SLC26A4: variants seen among roughly 807,000 people sequenced by gnomAD.
The protein encoded by SLC26A4 is pendrin.
Under a neutral mutation model 90.4 loss-of-function variants are expected in SLC26A4, and 93 were observed. The ratio of observed to expected loss-of-function variants is 1.03; its 90% CI spans 0.87 to 1.22. SLC26A4 has a LOEUF of 1.22. Among genes scored for constraint, SLC26A4 ranks in the 50% most tolerant of loss-of-function variants. The pLI is 0.00. For missense variants in SLC26A4, 1,127 were observed against 946.2 expected (o/e 1.19, Z -2.51); for synonymous variants, 393 against 354.6 (o/e 1.11, Z -1.22).
rs755414925 is a variant in SLC26A4, at chr7:107,700,220, G to A, written c.1707+45G>A. ...AAATTTGTTTTCTAACCTCTTTTGAGACTTCATTCATTCTACAAGTATTTA... is the reference window on the plus strand; with the variant it reads ...AAATTTGTTTTCTAACCTCTTTTGAAACTTCATTCATTCTACAAGTATTTA... On this transcript the variant is annotated intron_variant, in intron 15 of 20. Coordinates refer to ENST00000644269, the MANE Select transcript of SLC26A4 (RefSeq NM_000441.2). The A allele has an allele frequency of 3.2e-6, 3 of 946,760 alleles. No individual in the cohort carries two copies. In the South Asian group the frequency reaches 3.9e-5, roughly 12 times the overall value. The allele number at this position is 946,760 out of a possible 1,614,324, so 58.6% of individuals were successfully genotyped here.
intron 18 of SLC26A4, among the ~76,000 whole-genome samples, chr7:107,704,686 G>C (rs1313087611): frequency 6.6e-6 from 1 of 152,196 alleles, no homozygotes; most frequent in East Asian, 1.9e-4. Context: ...GAGACAGTGA[G>C]ACAGAACAAT....
chr7:107,703,119 C>T (rs902289609), intron 17 of SLC26A4, among the ~76,000 whole-genome samples: 3 of 152,176 alleles, frequency 2.0e-5, no homozygotes, highest in East Asian at 1.9e-4. Flanking sequence ...TTTCTACCTA[C>T]GTGGGACTTA....
intron 14 of SLC26A4, among the ~76,000 whole-genome samples, chr7:107,698,757 A>T (rs893562845): frequency 6.6e-6 from 1 of 152,222 alleles, no homozygotes. Context: ...AGTTCTAACA[A>T]GAGATTATCA....
At chr7:107,712,454 C>T (rs1036554035) in intron 19 of SLC26A4, 85 bp from the exon 20 acceptor site, 3 of 777,008 alleles carry the variant, frequency 3.9e-6, no homozygotes, top group African/African-American at 1.7e-5. Flanking sequence ...AGATGAGAAG[C>T]ACCAGGAAAG....
chr7:107,684,177 G>T (rs1397240457), intron 8 of SLC26A4, among the ~76,000 whole-genome samples: 1 of 152,160 alleles, frequency 6.6e-6, no homozygotes, highest in Non-Finnish European at 1.5e-5. Context: ...GATCTCTCAT[G>T]AAATGAAGAG....
At chr7:107,692,073 T>G in intron 10 of SLC26A4, 1 of 1,289,208 alleles carries the variant, frequency 7.8e-7, no homozygotes, top group Non-Finnish European at 1.0e-6. Context: ...GGGCTGGCTG[T>G]CCCAGTAAGT....
At chr7:107,696,580 C>A (rs771787097) in intron 13 of SLC26A4, among the ~76,000 whole-genome samples, 1 of 152,178 alleles carries the variant, frequency 6.6e-6, no homozygotes, top group African/African-American at 2.4e-5. Context: ...TAGCTGATGA[C>A]AGCCAAAATT....
intron 13 of SLC26A4, among the ~76,000 whole-genome samples, chr7:107,697,548 T>C (rs917787997): frequency 1.1e-4 from 17 of 152,130 alleles, no homozygotes; most frequent in Non-Finnish European, 2.9e-5. Context: ...TTATTTCTGG[T>C]CCTCCAGTCT....
chr7:107,714,599 T>A (rs976689252), intron 20 of SLC26A4, among the ~76,000 whole-genome samples: 1 of 152,122 alleles, frequency 6.6e-6, no homozygotes, highest in African/African-American at 2.4e-5. Context: ...AAGACTGCTA[T>A]ATTATAGGAT....
chr7:107,689,829 G>C (rs1356952468), intron 9 of SLC26A4, among the ~76,000 whole-genome samples: 1 of 152,180 alleles, frequency 6.6e-6, no homozygotes, highest in Non-Finnish European at 1.5e-5. Flanking sequence ...CTTTATGTGA[G>C]AGCTGCAGAC....
Position 107,715,537 on chromosome 7 carries a change from C to T in SLC26A4, c.*91C>T. 1.0e-6 allele frequency: 1 copy of T among 965,616 alleles called. No homozygotes were observed. The highest frequency in any genetic ancestry group is 1.7e-6 in the Non-Finnish European group (1 of 587,256). 59.8% of individuals were successfully genotyped at this position (965,616 alleles called of 1,614,324 possible). ...TTTCTTCAGACTCAAAACACTCATT[C>T]TTTTTTCTATTAAGCCATTGAAAGA... On this transcript the variant is annotated 3_prime_UTR_variant, in exon 21 of 21. Transcript: ENST00000644269.
chr7:107,686,607 C>T (rs1384779061), intron 8 of SLC26A4, among the ~76,000 whole-genome samples: 1 of 152,022 alleles, frequency 6.6e-6, no homozygotes, highest in African/African-American at 2.4e-5. Flanking sequence ...CCTGCCTCAG[C>T]CTCCTGAGTA....
rs955395092 is a variant in SLC26A4 at position 107,713,317 on chromosome 7, G to C, written c.2319+695G>C. Among the ~76,000 whole-genome samples the C allele has an allele frequency of 3.9e-5, 6 of 152,326 alleles. No individual in the cohort carries two copies. In the East Asian group the frequency reaches 1.2e-3, roughly 29 times the overall value. On this transcript the variant is annotated intron_variant, in intron 20 of 20. Transcript: ENST00000644269. The stretch of plus-strand genomic sequence containing the variant: ...TTCAGCTTTTATGTGAACATTTCCA[G>C]ACATTGGCCACTAGCGGCTTCTCAA...
chr7:107,674,019 C>T lies in SLC26A4; in HGVS notation c.416-145C>T, dbSNP rs1337843604. 1.2e-5 allele frequency: 10 copies of T among 819,072 alleles called. No individual in the cohort carries two copies. The East Asian group carries it at 2.7e-4, about 22-fold the overall frequency. 50.7% of individuals were successfully genotyped at this position (819,072 alleles called of 1,614,324 possible). ...GTGCTGCGGTTACAGATGTGAGCCA[C>T]TGGGTCCGGCTCAGCTTCTTTCGTG... On this transcript the variant is annotated intron_variant, in intron 4 of 20. Coordinates refer to ENST00000644269, the MANE Select transcript of SLC26A4 (RefSeq NM_000441.2).
rs759991311 is a variant in SLC26A4, at chr7:107,689,159, G to C, written c.1108G>C (p.Val370Leu). 6 of 1,613,752 alleles carry C rather than the reference G, an allele frequency of 3.7e-6. No homozygotes were observed. In the African/African-American group the frequency reaches 8.0e-5, roughly 22 times the overall value. The change falls in exon 9 of 21, where the codon GTA (valine) becomes CTA (leucine). Residue 370 changes from valine (V) to leucine (L), a missense_variant. Val to Leu is a conservative substitution (Grantham distance 32, BLOSUM62 1). Transcript: ENST00000644269. ...AYAIAVSVGK[V>L]YATKYDYTID... is the part of the protein sequence containing the mutation. Reference sequence around the variant, plus strand: ...TGCTATTGCAGTGTCAGTAGGAAAAGTATATGCCACCAAGTATGATTACAC... The same window carrying C: ...TGCTATTGCAGTGTCAGTAGGAAAACTATATGCCACCAAGTATGATTACAC...
At chr7:107,670,162 T>A (rs1415517653) in intron 3 of SLC26A4, among the ~76,000 whole-genome samples, 1 of 150,016 alleles carries the variant, frequency 6.7e-6, no homozygotes, top group South Asian at 2.1e-4. Context: ...CAGGCTGGAA[T>A]GCAGTGGCGC....
intron 6 of SLC26A4, among the ~76,000 whole-genome samples, chr7:107,678,836 C>A (rs1439078603): frequency 1.3e-5 from 2 of 151,908 alleles, no homozygotes; most frequent in Non-Finnish European, 2.9e-5. Context: ...ATTACCATTG[C>A]AATTATACAT....
intron 6 of SLC26A4, among the ~76,000 whole-genome samples, chr7:107,682,198 G>A (rs192404508): frequency 2.7e-5 from 4 of 147,962 alleles, no homozygotes; most frequent in Admixed American, 6.8e-5. Flanking sequence ...TCCCAAAAAT[G>A]TATGCTTGTC....
At chr7:107,691,998 G>T in intron 10 of SLC26A4, 1 of 1,289,056 alleles carries the variant, frequency 7.8e-7, no homozygotes. Context: ...TTCAGCGGGT[G>T]CAGGCAAATC....
Sources: gnomAD v4.1 joint callset for allele counts (sites outside exome capture counted in the v4.1 genomes callset) on GRCh38, gnomAD v4.1.1 for gene constraint, MANE v1.5 for transcripts, NCBI Gene and HGNC (gene_info 2026-07-23, HGNC 2026-07-21) for gene names.